ITIH2: variants seen among roughly 807,000 people sequenced by gnomAD.
The protein encoded by ITIH2 is inter-alpha-trypsin inhibitor heavy chain H2.
ITIH2 carries 103 observed loss-of-function variants against 104.4 expected under a neutral mutation model. The observed-to-expected ratio is 0.99, with a 90% CI of 0.84 to 1.16. The LOEUF (loss-of-function observed/expected upper bound fraction) is 1.16, where lower values mean the gene tolerates loss of function less well. Ranked by LOEUF, ITIH2 falls within the 50% of genes most tolerant of loss-of-function variation. The pLI, the probability that ITIH2 is intolerant of heterozygous loss-of-function variation, is 0.00. For synonymous variants in ITIH2, 436 were observed against 435.4 expected (o/e 1.00, Z -0.02); for missense variants, 1,108 against 1,162.4 (o/e 0.95, Z 0.68).
intron 15 of ITIH2, among the ~76,000 whole-genome samples, chr10:7,737,322 GTCTCTTTCTTT>G (rs1447107797): frequency 3.4e-5 from 5 of 148,758 alleles, no homozygotes; most frequent in Non-Finnish European, 5.9e-5. Flanking sequence ...AGGTTTATAC[GTCTCTTTCTTT>G]TCTCTTTCTT....
At chr10:7,734,465 C>T (rs551740920) in intron 14 of ITIH2, among the ~76,000 whole-genome samples, 9 of 152,302 alleles carry the variant, frequency 5.9e-5, no homozygotes, top group South Asian at 2.1e-4. Context: ...GAGGCCAAGG[C>T]GTGTGGATCG....
At position 7,707,279 on chromosome 10, in the gene ITIH2, A is replaced by G. The variant is rs370068524; in HGVS notation, c.192+46A>G. ...TACAGATTGAATGATTTTCCTGTTA[A>G]TAATTACCAGGAAATCAATCTGGGT... On this transcript the variant is annotated intron_variant, in intron 3 of 20. Transcript: ENST00000358415. 140 of 1,425,320 alleles carry G rather than the reference A, an allele frequency of 9.8e-5. 1 individual carries two copies. Among genetic ancestry groups the G allele is most frequent in the Non-Finnish European group, 1.3e-4 (136 of 1,012,318 alleles). 88.3% of individuals were successfully genotyped at this position (1,425,320 alleles called of 1,614,324 possible). A position where few individuals can be genotyped will look rare whatever the true frequency, so the allele number is the denominator to read the frequency against.
chr10:7,746,068 TAAAAAAAAAAAAAAAAA>T (rs372266950), intron 19 of ITIH2, among the ~76,000 whole-genome samples: 7 of 35,796 alleles, frequency 2.0e-4, no homozygotes, highest in Admixed American at 5.3e-4. Context: ...ATCTTAAATT[TAAAAAAAAAAAAAAAAA>T]AAAAAAAAAA....
intron 6 of ITIH2, among the ~76,000 whole-genome samples, chr10:7,720,627 G>A (rs1418068105): frequency 6.6e-6 from 1 of 152,196 alleles, no homozygotes; most frequent in South Asian, 2.1e-4. Flanking sequence ...TCCTGGGGGA[G>A]TGAGGCAGCA....
chr10:7,710,743 G>A (rs1169890170), intron 4 of ITIH2, among the ~76,000 whole-genome samples: 2 of 152,116 alleles, frequency 1.3e-5, no homozygotes, highest in Non-Finnish European at 2.9e-5. Flanking sequence ...GCTTTAAAAT[G>A]TATCACTTTT....
rs752985696 is a variant in ITIH2, at chr10:7,744,833, C to T, written c.2451C>T (p.Thr817=). The T allele has an allele frequency of 6.2e-7, 1 of 1,614,014 alleles. No individual in the cohort carries two copies. The highest frequency in any genetic ancestry group is 8.5e-7 in the Non-Finnish European group (1 of 1,179,972). Residue 817 remains threonine (T), a synonymous_variant, in exon 19 of 21, where the codon ACC becomes ACT. Coordinates refer to ENST00000358415, the MANE Select transcript of ITIH2 (RefSeq NM_002216.3). ...SVKKEKVVTI[T]LDKEMSFSVL... Reference sequence around the variant, plus strand: ...AGAAAGAAAAAGTGGTAACTATCACCCTGGATAAAGAGATGTCCTTTTCTG... The same window carrying T: ...AGAAAGAAAAAGTGGTAACTATCACTCTGGATAAAGAGATGTCCTTTTCTG...
intron 5 of ITIH2, among the ~76,000 whole-genome samples, chr10:7,714,101 C>T (rs1318108124): frequency 2.6e-5 from 4 of 151,068 alleles, no homozygotes; most frequent in African/African-American, 9.7e-5. Flanking sequence ...AGTAGCTTCT[C>T]TTCAAAGGGA....
Position 7,720,947 on chromosome 10 carries a change from C to G in ITIH2, c.722C>G (p.Ser241Cys). 6.2e-7 allele frequency: 1 copy of G among 1,610,434 alleles called. No homozygotes were observed. The highest frequency in any genetic ancestry group is 8.5e-7 in the Non-Finnish European group (1 of 1,176,668). ...CATTTCGATGGTGTTCCGGTCATTT[C>G]TAAAGGACAACAGAAGGTACCCTGA... Reference protein sequence around the residue: ...EGHFDGVPVISKGQQKAHVSF... With the variant: ...EGHFDGVPVICKGQQKAHVSF... The change falls in exon 7 of 21, where the codon TCT (serine) becomes TGT (cysteine). Residue 241 changes from serine (S) to cysteine (C), a missense_variant. Physicochemically the swap from Ser to Cys is moderately radical, Grantham distance 112 (BLOSUM62 -1). Coordinates refer to ENST00000358415, the MANE Select transcript of ITIH2 (RefSeq NM_002216.3).
chr10:7,705,011 G>C, intron 1 of ITIH2, 97 bp from the exon 2 acceptor site: 1 of 732,922 alleles, frequency 1.4e-6, no homozygotes, highest in Non-Finnish European at 2.3e-6. Context: ...CATGGCACAT[G>C]TATACCTATG....
chr10:7,717,807 G>A lies in ITIH2; in HGVS notation c.630+19G>A, dbSNP rs1163090390. ...CTTAGAGGTAAGCCTGGATCTGTAG[G>A]GTGGGCAGTGACACTGTCCTTTTAT... On this transcript the variant is annotated intron_variant, in intron 6 of 20. Transcript: ENST00000358415. 1.9e-6 allele frequency: 3 copies of A among 1,595,892 alleles called. No individual in the cohort carries two copies. The highest frequency in any genetic ancestry group is 3.4e-5 in the Admixed American group (2 of 59,514).
At chr10:7,718,752 C>A (rs1834874769) in intron 6 of ITIH2, among the ~76,000 whole-genome samples, 1 of 152,110 alleles carries the variant, frequency 6.6e-6, no homozygotes. Context: ...ATGTTTAGCT[C>A]CTGCTTAGAA....
rs184435701 is a variant in ITIH2 at position 7,736,949 on chromosome 10, G to A, written c.1958-1672G>A. Among the ~76,000 whole-genome samples, 37 of 152,108 alleles carry A rather than the reference G, an allele frequency of 2.4e-4. No individual in the cohort carries two copies. In the East Asian group the frequency reaches 6.2e-3, roughly 25 times the overall value. ...GCCAAAACATGCATACAGACCTAGC[G>A]TCCAAAAAATTTTGTATAATTTATC... On this transcript the variant is annotated intron_variant, in intron 15 of 20. Transcript: ENST00000358415.
At chr10:7,724,188 G>A (rs1834931456) in intron 9 of ITIH2, among the ~76,000 whole-genome samples, 1 of 152,052 alleles carries the variant, frequency 6.6e-6, no homozygotes, top group Non-Finnish European at 1.5e-5. Context: ...ATTCAACCAA[G>A]TTGAACAACC....
intron 12 of ITIH2, 123 bp downstream of exon 12, chr10:7,730,256 G>A (rs1030127683): frequency 2.7e-5 from 20 of 731,416 alleles, no homozygotes; most frequent in Non-Finnish European, 4.2e-5. Context: ...GCCATATTTG[G>A]TTGCAAGGAT....
rs1834716796 is a variant in ITIH2 at position 7,703,519 on chromosome 10, G to A, written c.84+1G>A. 2 of 1,592,852 alleles carry A rather than the reference G, an allele frequency of 1.3e-6. No individual in the cohort carries two copies. Among genetic ancestry groups the A allele is most frequent in the East Asian group, 2.2e-5 (1 of 44,764 alleles). On this transcript the variant is annotated splice_donor_variant, in intron 1 of 20. Transcript: ENST00000358415. LOFTEE classifies it high-confidence loss of function. ...AATCCCCATAAATGGACTTTCTGAA[G>A]TAAGTACTTACAGATCACTCCTTGC...
At chr10:7,713,691 G>GT (rs34852426) in intron 5 of ITIH2, among the ~76,000 whole-genome samples, 1 of 151,910 alleles carries the variant, frequency 6.6e-6, no homozygotes, top group African/African-American at 2.4e-5. Flanking sequence ...GGGATAAGGG[G>GT]TTTTTTTTAA....
intron 4 of ITIH2, 71 bp downstream of exon 4, chr10:7,709,262 G>T: frequency 7.1e-7 from 1 of 1,415,584 alleles, no homozygotes; most frequent in Non-Finnish European, 1.0e-6. Flanking sequence ...CTCATAGTTA[G>T]AATGGACTTT....
Position 7,735,680 on chromosome 10 carries a change from T to C in ITIH2, c.1957+589T>C, listed in dbSNP as rs1398243067. On this transcript the variant is annotated intron_variant, in intron 15 of 20. Transcript: ENST00000358415. ...TTTTCTTTTCTTTTCTTTTCTTTTT[T>C]TTTTTTTTTTGAGACAGAGTCTTGC... 3.2e-4 allele frequency among the ~76,000 whole-genome samples: 48 copies of C among 150,316 alleles called. 2 individuals are homozygous for C. The highest frequency in any genetic ancestry group is 2.5e-3 in the East Asian group (13 of 5,158).
At position 7,732,012 on chromosome 10, in the gene ITIH2, C is replaced by G. The variant is rs759594966; in HGVS notation, c.1647+16C>G. On this transcript the variant is annotated intron_variant, in intron 13 of 20. Transcript: ENST00000358415. ...GGCGACTTCGGTACTTCCACTTATC[C>G]ATTTATTCTATCTACTAACTGACCC... 7.5e-6 allele frequency: 12 copies of G among 1,595,310 alleles called. No homozygotes were observed. The Admixed American group carries it at 1.2e-4, about 16-fold the overall frequency.
Sources: gnomAD v4.1 joint callset for allele counts (sites outside exome capture counted in the v4.1 genomes callset) on GRCh38, gnomAD v4.1.1 for gene constraint, MANE v1.5 for transcripts, NCBI Gene and HGNC (gene_info 2026-07-23, HGNC 2026-07-21) for gene names.